The following AUTS2 variants were observed in gnomAD, a reference collection of about 807,000 sequenced individuals.
AUTS2 encodes activator of transcription and developmental regulator AUTS2, also known as autism susceptibility gene 2 protein.
Under a neutral mutation model 112.4 loss-of-function variants are expected in AUTS2, and 17 were observed. The ratio of observed to expected loss-of-function variants is 0.15; its 90% CI spans 0.10 to 0.23. The LOEUF is 0.23. AUTS2 is among the 10% of genes least tolerant of loss of function. The pLI, the probability that AUTS2 is intolerant of heterozygous loss-of-function variation, is 1.00. For synonymous variants in AUTS2, 751 were observed against 702.7 expected (o/e 1.07, Z -1.09); for missense variants, 1,510 against 1,701.6 (o/e 0.89, Z 1.98).
chr7:70,507,030 G>C (rs1009280845), intron 5 of AUTS2, among the ~76,000 whole-genome samples: 1 of 152,228 alleles, frequency 6.6e-6, no homozygotes, highest in African/African-American at 2.4e-5. Context: ...TGCTGAGTGA[G>C]CACCAACCCA....
intron 5 of AUTS2, among the ~76,000 whole-genome samples, chr7:70,697,562 C>CA (rs879708566): frequency 3.1e-5 from 4 of 130,960 alleles, no homozygotes; most frequent in Non-Finnish European, 4.9e-5. Flanking sequence ...TTCAGAATTC[C>CA]CCCCCCCCAT....
chr7:69,809,456 T>C (rs1259827362), intron 1 of AUTS2, among the ~76,000 whole-genome samples: 3 of 152,178 alleles, frequency 2.0e-5, no homozygotes, highest in Admixed American at 6.5e-5. Flanking sequence ...AGGAATGCAA[T>C]TGGTTGCTTA....
At chr7:70,001,877 A>G (rs575003574) in intron 2 of AUTS2, among the ~76,000 whole-genome samples, 2 of 151,980 alleles carry the variant, frequency 1.3e-5, no homozygotes, top group East Asian at 3.9e-4. Context: ...CGCCTGGCTA[A>G]TTTTTGTATT....
At chr7:70,735,366 T>C (rs1269765486) in intron 6 of AUTS2, among the ~76,000 whole-genome samples, 1 of 152,220 alleles carries the variant, frequency 6.6e-6, no homozygotes, top group Non-Finnish European at 1.5e-5. Flanking sequence ...CTGTATTTCC[T>C]TTTTGAAGTT....
At chr7:70,381,744 G>A (rs989930306) in intron 4 of AUTS2, among the ~76,000 whole-genome samples, 11 of 152,114 alleles carry the variant, frequency 7.2e-5, no homozygotes, top group Admixed American at 5.2e-4. Context: ...TAAGCTTAAA[G>A]CTCCTTCTCC....
intron 1 of AUTS2, among the ~76,000 whole-genome samples, chr7:69,697,978 G>A (rs2129184959): frequency 6.6e-6 from 1 of 152,298 alleles, no homozygotes; most frequent in Middle Eastern, 3.4e-3. Flanking sequence ...TGCTGATTAA[G>A]ACACTAAGAC....
intron 1 of AUTS2, among the ~76,000 whole-genome samples, chr7:69,636,835 G>A (rs1417092565): frequency 1.3e-5 from 2 of 151,860 alleles, no homozygotes; most frequent in African/African-American, 2.4e-5. Context: ...GCGCGATCTC[G>A]GCTCACTCCA....
chr7:70,340,194 A>ACACACACACACACCC (rs942358361), intron 4 of AUTS2, among the ~76,000 whole-genome samples: 7 of 151,004 alleles, frequency 4.6e-5, no homozygotes, highest in African/African-American at 1.7e-4. Context: ...ACACACACAC[A>ACACACACACACACCC]CCCCGTAATA....
chr7:70,011,643 G>A (rs1199753980), intron 2 of AUTS2, among the ~76,000 whole-genome samples: 1 of 152,140 alleles, frequency 6.6e-6, no homozygotes. Context: ...TAAATGGAAG[G>A]TGGGCAGCAT....
chr7:70,300,672 C>A (rs1789171957), intron 4 of AUTS2, among the ~76,000 whole-genome samples: 1 of 152,126 alleles, frequency 6.6e-6, no homozygotes, highest in Non-Finnish European at 1.5e-5. Flanking sequence ...ACCAGTGTCA[C>A]AAGGAAGAAC....
chr7:70,317,511 G>A (rs1398237548), intron 4 of AUTS2, among the ~76,000 whole-genome samples: 2 of 152,132 alleles, frequency 1.3e-5, no homozygotes, highest in Admixed American at 6.5e-5. Context: ...TTTTCCTGTT[G>A]ACATTTGATG....
chr7:69,758,319 G>A (rs1788026744), intron 1 of AUTS2, among the ~76,000 whole-genome samples: 1 of 152,134 alleles, frequency 6.6e-6, no homozygotes, highest in Non-Finnish European at 1.5e-5. Context: ...GATTTAGATT[G>A]GATAGGGCTT....
At chr7:70,185,291 C>T (rs532867300) in intron 4 of AUTS2, among the ~76,000 whole-genome samples, 32 of 85,100 alleles carry the variant, frequency 3.8e-4, no homozygotes, top group Admixed American at 1.5e-3. Flanking sequence ...TTTTAAGAAA[C>T]GAGGATCTTC....
At chr7:70,767,173 G>C (rs190716567) in intron 9 of AUTS2, among the ~76,000 whole-genome samples, 1 of 152,128 alleles carries the variant, frequency 6.6e-6, no homozygotes, top group Non-Finnish European at 1.5e-5. Context: ...ATTACTATAG[G>C]CATTGTGAGA....
chr7:70,637,398 C>T (rs187860817), intron 5 of AUTS2, among the ~76,000 whole-genome samples: 1 of 152,302 alleles, frequency 6.6e-6, no homozygotes, highest in East Asian at 1.9e-4. Context: ...ACAGATGCTG[C>T]AAATCCAGAG....
intron 4 of AUTS2, among the ~76,000 whole-genome samples, chr7:70,387,445 A>G (rs1202257775): frequency 1.3e-5 from 2 of 152,130 alleles, no homozygotes; most frequent in African/African-American, 2.4e-5. Flanking sequence ...GCCTTCCCAA[A>G]TATGGGTGCC....
intron 2 of AUTS2, among the ~76,000 whole-genome samples, chr7:69,970,555 C>T (rs1797807440): frequency 6.6e-6 from 1 of 152,160 alleles, no homozygotes; most frequent in African/African-American, 2.4e-5. Flanking sequence ...TATCATCTCC[C>T]TTCTGGCTTA....
intron 1 of AUTS2, among the ~76,000 whole-genome samples, chr7:69,728,613 T>G (rs937553682): frequency 3.4e-4 from 52 of 151,886 alleles, no homozygotes; most frequent in Admixed American, 9.8e-4. Context: ...GACAAAAAGT[T>G]ACGCTCAAGT....
chr7:70,330,526 AG>A lies in AUTS2; in HGVS notation c.661-105224del, dbSNP rs1179031288. Among the ~76,000 whole-genome samples the A allele has an allele frequency of 1.0e-4, 15 of 150,088 alleles. No individual in the cohort carries two copies. In the East Asian group the frequency reaches 2.9e-3, roughly 29 times the overall value. On this transcript the variant is annotated intron_variant, in intron 4 of 18. Coordinates refer to ENST00000342771, the MANE Select transcript of AUTS2 (RefSeq NM_015570.4). ...AGTAGTACACTGGTTTGATTACTAT[AG>A]GTTTGTAATTAAGTTTTGAAATCAG...
Sources: gnomAD v4.1 joint callset for allele counts (sites outside exome capture counted in the v4.1 genomes callset) on GRCh38, gnomAD v4.1.1 for gene constraint, MANE v1.5 for transcripts, NCBI Gene and HGNC (gene_info 2026-07-23, HGNC 2026-07-21) for gene names.